The following USP35 variants were observed in gnomAD, a reference collection of about 807,000 sequenced individuals.
USP35 encodes ubiquitin carboxyl-terminal hydrolase 35.
Under a neutral mutation model 83.8 loss-of-function variants are expected in USP35, and 69 were observed. The ratio of observed to expected loss-of-function variants is 0.82; its 90% CI spans 0.68 to 1.01. The LOEUF (loss-of-function observed/expected upper bound fraction) is 1.01, where lower values mean the gene tolerates loss of function less well. USP35 is among the 50% of genes least tolerant of loss of function. The pLI, the probability that USP35 is intolerant of heterozygous loss-of-function variation, is 0.00. For synonymous variants in USP35, 714 were observed against 589.5 expected (o/e 1.21, Z -3.06); for missense variants, 1,503 against 1,362.5 (o/e 1.10, Z -1.62).
Position 78,209,360 on chromosome 11 carries a change from T to C in USP35, c.1593-88T>C. The C allele has an allele frequency of 2.2e-6, 3 of 1,371,080 alleles. No homozygotes were observed. The South Asian group carries it at 4.4e-5, about 20-fold the overall frequency. The allele number at this position is 1,371,080 out of a possible 1,614,324, so 84.9% of individuals were successfully genotyped here. A position where few individuals can be genotyped will look rare whatever the true frequency, so the allele number is the denominator to read the frequency against. ...TTGTGTGCGTCTCAATGTGTGGCTG[T>C]TGGGGAAGGTAAATGGGCATGGATA... On this transcript the variant is annotated intron_variant, in intron 9 of 10. Coordinates refer to ENST00000529308, the MANE Select transcript of USP35 (RefSeq NM_020798.4).
chr11:78,207,858 A>G (rs529703665), intron 8 of USP35, among the ~76,000 whole-genome samples: 1 of 152,344 alleles, frequency 6.6e-6, no homozygotes, highest in African/African-American at 2.4e-5. Flanking sequence ...CCCTTTGGCA[A>G]TTCAGTCCAT....
chr11:78,212,367 T>C (rs929242596), intron 10 of USP35, among the ~76,000 whole-genome samples: 1 of 152,222 alleles, frequency 6.6e-6, no homozygotes, highest in Admixed American at 6.5e-5. Flanking sequence ...TGAAGTCAGG[T>C]AGGCATTAGG....
At chr11:78,230,069 T>C in the USP35 span, among the ~76,000 whole-genome samples, 1 of 152,242 alleles carries the variant, frequency 6.6e-6, no homozygotes, top group African/African-American at 2.4e-5. Flanking sequence ...AGAAACTGTG[T>C]CTTACTCATT....
rs762408944 is a variant in USP35 at position 78,213,681 on chromosome 11, C to T, written c.2925C>T (p.Tyr975=). ...AGGAGGCCCGGAGCAGGGCGGCCTA[C>T]ATCTCTGCACTCCCCACATCTCCGC... The part of the protein sequence containing the change: ...QEKEARSRAA[Y]ISALPTSPHW... The change falls in exon 11 of 11, where the codon TAC becomes TAT. Residue 975 remains tyrosine, a synonymous_variant. Transcript: ENST00000529308. The T allele has an allele frequency of 5.3e-6, 8 of 1,512,262 alleles. No homozygotes were observed. Among genetic ancestry groups the T allele is most frequent in the African/African-American group, 2.9e-5 (2 of 68,406 alleles). The allele number at this position is 1,512,262 out of a possible 1,614,324, so 93.7% of individuals were successfully genotyped here.
At chr11:78,235,401 C>T in the USP35 span, among the ~76,000 whole-genome samples, 1 of 152,142 alleles carries the variant, frequency 6.6e-6, no homozygotes, top group Non-Finnish European at 1.5e-5. Context: ...ATCCGCCCAC[C>T]TCAGCCTCCC....
intron 6 of USP35, among the ~76,000 whole-genome samples, chr11:78,204,714 A>G (rs1384626702): frequency 6.6e-6 from 1 of 152,206 alleles, no homozygotes; most frequent in Non-Finnish European, 1.5e-5. Context: ...GGGACGAAGA[A>G]GATACTGAGC....
Position 78,196,270 on chromosome 11 carries a change from G to T in USP35, c.25G>T (p.Val9Leu). ...CATGGACAAGATCTTGGAGGCGGTGGTGACGTCGTCATACCCGGTCAGCGT... is the reference window on the plus strand; with the variant it reads ...CATGGACAAGATCTTGGAGGCGGTGTTGACGTCGTCATACCCGGTCAGCGT... MDKILEAV[V>L]TSSYPVSVKQ... The change falls in exon 2 of 11, where the codon GTG (valine) becomes TTG (leucine). Residue 9 changes from valine (V) to leucine (L), a missense_variant. Coordinates refer to ENST00000529308, the MANE Select transcript of USP35 (RefSeq NM_020798.4). The surrounding 1 kb of genome is among the most constrained non-coding windows in gnomAD (Gnocchi z 4.8). 6.3e-7 allele frequency: 1 copy of T among 1,595,336 alleles called. No individual in the cohort carries two copies. Among genetic ancestry groups the T allele is most frequent in the Non-Finnish European group, 8.5e-7 (1 of 1,177,778 alleles).
chr11:78,199,724 G>C lies in USP35; in HGVS notation c.936G>C (p.Lys312Asn). ...LIEVSLTKIE[K>N]VFSKLLYPIV... ...AGGTTTCGCTCACCAAAATTGAGAA[G>C]GTTGGTGCCCCTGTCCTAGCCCAGA... Residue 312 changes from lysine (K) to asparagine (N), a missense_variant and splice_region_variant, in exon 4 of 11, where the codon AAG (lysine) becomes AAC (asparagine). Lys to Asn is a moderately conservative substitution (Grantham distance 94). Coordinates refer to ENST00000529308, the MANE Select transcript of USP35 (RefSeq NM_020798.4). The C allele has an allele frequency of 6.2e-7, 1 of 1,614,208 alleles. No homozygotes were observed.
intron 1 of USP35, among the ~76,000 whole-genome samples, chr11:78,190,811 C>T (rs1184411649): frequency 6.6e-6 from 1 of 152,088 alleles, no homozygotes; most frequent in African/African-American, 2.4e-5. Context: ...AGCCCTTTTT[C>T]AGTAGAGGGG....
At chr11:78,208,823 C>T (rs758185293) in intron 8 of USP35, 34 bp from the exon 9 acceptor site, 3 of 1,611,758 alleles carry the variant, frequency 1.9e-6, no homozygotes, top group Non-Finnish European at 2.5e-6. Context: ...TGGCCTCCTG[C>T]TCCTGACCAT....
chr11:78,196,310 T>G lies in USP35; in HGVS notation c.65T>G (p.Val22Gly). 1 of 1,592,106 alleles carries G rather than the reference T, an allele frequency of 6.3e-7. No individual in the cohort carries two copies. Among genetic ancestry groups the G allele is most frequent in the Non-Finnish European group, 8.5e-7 (1 of 1,176,390 alleles). Residue 22 changes from valine to glycine, a missense_variant, in exon 2 of 11, where the codon GTT becomes GGT. Physicochemically the swap from Val to Gly is moderately radical, Grantham distance 109 (BLOSUM62 -3). Coordinates refer to ENST00000529308, the MANE Select transcript of USP35 (RefSeq NM_020798.4). The surrounding 1 kb of genome is among the most constrained non-coding windows in gnomAD (Gnocchi z 4.8). ...SYPVSVKQGL[V>G]RRVLEAARQP... is the part of the protein sequence containing the mutation. ...CCGGTCAGCGTGAAGCAGGGGCTGGTTCGGCGCGTGCTGGAGGCGGCGCGG... is the reference window on the plus strand; with the variant it reads ...CCGGTCAGCGTGAAGCAGGGGCTGGGTCGGCGCGTGCTGGAGGCGGCGCGG...
Position 78,210,590 on chromosome 11 carries a change from T to C in USP35, c.2735T>C (p.Phe912Ser), listed in dbSNP as rs780587825. 3.7e-6 allele frequency: 6 copies of C among 1,614,110 alleles called. No individual in the cohort carries two copies. The highest frequency in any genetic ancestry group is 1.3e-5 in the African/African-American group (1 of 75,072). ...GAATCTGTCAGCAACGTCACCTCCT[T>C]CTTCCCTAAGGACACAGCCTATGTG... ...SFESVSNVTS[F>S]FPKDTAYVLF... The change falls in exon 10 of 11, where the codon TTC (phenylalanine) becomes TCC (serine). Residue 912 changes from phenylalanine (F) to serine (S), a missense_variant. Physicochemically the swap from Phe to Ser is radical, Grantham distance 155 (BLOSUM62 -2). Transcript: ENST00000529308.
chr11:78,207,567 T>G lies in USP35; in HGVS notation c.1429T>G (p.Ser477Ala). Residue 477 changes from serine (S) to alanine (A), a missense_variant, in exon 8 of 11, where the codon TCA (serine) becomes GCA (alanine). By Grantham distance (99) the Ser-to-Ala change is moderately conservative (BLOSUM62 1). Coordinates refer to ENST00000529308, the MANE Select transcript of USP35 (RefSeq NM_020798.4). ...TGTGCTCCGCTTGACTGAGAACAACTCACAGCCCCTGATGACCAAGCTGCA... is the reference window on the plus strand; with the variant it reads ...TGTGCTCCGCTTGACTGAGAACAACGCACAGCCCCTGATGACCAAGCTGCA... ...HCVLRLTENN[S>A]QPLMTKLQWL... 1.2e-6 allele frequency: 2 copies of G among 1,614,152 alleles called. No homozygotes were observed. The highest frequency in any genetic ancestry group is 1.7e-6 in the Non-Finnish European group (2 of 1,180,012).
chr11:78,190,233 A>G (rs1862960535), intron 1 of USP35, among the ~76,000 whole-genome samples: 1 of 151,794 alleles, frequency 6.6e-6, no homozygotes, highest in African/African-American at 2.4e-5. Flanking sequence ...AACCAGGAAC[A>G]GATTTTTGTT....
chr11:78,190,383 T>G (rs1862968018), intron 1 of USP35, among the ~76,000 whole-genome samples: 1 of 152,242 alleles, frequency 6.6e-6, no homozygotes, highest in Non-Finnish European at 1.5e-5. Context: ...TTCAGGGTTT[T>G]TGATATGCAA....
chr11:78,200,679 C>T lies in USP35; in HGVS notation c.1068C>T (p.Ala356=). Residue 356 remains alanine, a synonymous_variant, in exon 6 of 11, where the codon GCC becomes GCT. Coordinates refer to ENST00000529308, the MANE Select transcript of USP35 (RefSeq NM_020798.4). ...TCCCTCACATCCCCCCCATGGTGGC[C>T]TCTCTGGTCAAGGAGGACTCGAACT... The part of the protein sequence containing the change: ...LLLPHIPPMV[A]SLVKEDSNSG... 1.2e-6 allele frequency: 2 copies of T among 1,613,320 alleles called. No individual in the cohort carries two copies.
the USP35 span, among the ~76,000 whole-genome samples, chr11:78,227,631 C>CAAAAAAAAAAAAAAAAAAAA: frequency 2.5e-4 from 27 of 106,094 alleles, no homozygotes; most frequent in African/African-American, 7.6e-4. Flanking sequence ...CCATTGCCAC[C>CAAAAAAAAAAAAAAAAAAAA]AAAAAAAAAA....
At chr11:78,200,587 C>T (rs1029947425) in intron 5 of USP35, 63 bp from the exon 6 acceptor site, 1 of 1,547,788 alleles carries the variant, frequency 6.5e-7, no homozygotes. Context: ...TCAGCAGGGA[C>T]CACAGCCCCG....
the USP35 span, among the ~76,000 whole-genome samples, chr11:78,233,040 G>GTT: frequency 4.5e-3 from 600 of 131,958 alleles, 16 homozygotes; most frequent in African/African-American, 0.017. Flanking sequence ...GCACTGTTAA[G>GTT]TTTTTTTTTT....
Sources: gnomAD v4.1 joint callset for allele counts (sites outside exome capture counted in the v4.1 genomes callset) on GRCh38, gnomAD v4.1.1 for gene constraint, Gnocchi (gnomAD v3.1) non-coding constraint, MANE v1.5 for transcripts, NCBI Gene and HGNC (gene_info 2026-07-23, HGNC 2026-07-21) for gene names.